CSMD1: variants seen among roughly 807,000 people sequenced by gnomAD.
CSMD1 encodes CUB and sushi domain-containing protein 1.
Under a neutral mutation model 417.5 loss-of-function variants are expected in CSMD1, and 213 were observed. The ratio of observed to expected loss-of-function variants is 0.51; its 90% CI spans 0.46 to 0.57. The LOEUF (loss-of-function observed/expected upper bound fraction) is 0.57, where lower values mean the gene tolerates loss of function less well. Ranked by LOEUF, CSMD1 falls within the 20% of genes least tolerant of loss-of-function variation. The pLI is 0.00. For synonymous variants in CSMD1, 2,862 were observed against 1,736.8 expected, an observed-to-expected ratio of 1.65 and a Z score of -16.11; for missense variants, 6,923 against 4,529.7, an observed-to-expected ratio of 1.53 and a Z score of -15.17.
chr8:4,174,477 G>A (rs1047944771), intron 3 of CSMD1, among the ~76,000 whole-genome samples: 1 of 151,490 alleles, frequency 6.6e-6, no homozygotes, highest in East Asian at 2.0e-4. Flanking sequence ...GGTTTGGAAG[G>A]TTATTAAATC....
At chr8:4,120,878 T>C (rs1337860910) in intron 3 of CSMD1, among the ~76,000 whole-genome samples, 2 of 152,190 alleles carry the variant, frequency 1.3e-5, no homozygotes, top group South Asian at 4.1e-4. Context: ...TTTTCTGTTT[T>C]ATTGTTTATA....
intron 1 of CSMD1, among the ~76,000 whole-genome samples, chr8:4,947,668 C>A (rs1427311552): frequency 6.6e-6 from 1 of 152,076 alleles, no homozygotes; most frequent in Non-Finnish European, 1.5e-5. Context: ...TTGGGTTGAT[C>A]ATTCTTGGCA....
At chr8:4,080,072 A>G (rs933152864) in intron 3 of CSMD1, among the ~76,000 whole-genome samples, 2 of 151,800 alleles carry the variant, frequency 1.3e-5, no homozygotes, top group African/African-American at 4.8e-5. Flanking sequence ...CTCATCTGAC[A>G]ACAGTCTCTG....
At chr8:4,674,767 G>C (rs149562963) in intron 1 of CSMD1, among the ~76,000 whole-genome samples, 92 of 152,290 alleles carry the variant, frequency 6.0e-4, no homozygotes, top group African/African-American at 2.0e-3. Flanking sequence ...GTATCAGCAT[G>C]CTATAGATTG....
At position 4,823,909 on chromosome 8, in the gene CSMD1, G is replaced by A. The variant is rs188826977; in HGVS notation, c.85+170423C>T. Among the ~76,000 whole-genome samples the A allele has an allele frequency of 2.6e-5, 4 of 151,954 alleles. No homozygotes were observed. The East Asian group carries it at 5.8e-4, about 22-fold the overall frequency. On this transcript the variant is annotated intron_variant, in intron 1 of 69. Transcript: ENST00000635120. ...TGAGAGAGAAATACTCTTAACAAGA[G>A]AAGAAAGAGGAAAGAGCATTCTAAC...
intron 3 of CSMD1, among the ~76,000 whole-genome samples, chr8:4,286,615 C>T (rs1284226367): frequency 6.6e-6 from 1 of 152,094 alleles, no homozygotes; most frequent in Admixed American, 6.6e-5. Context: ...TTTGGGAACA[C>T]CACTTGACCT....
chr8:4,562,545 T>G (rs547747091), intron 2 of CSMD1, among the ~76,000 whole-genome samples: 2 of 152,264 alleles, frequency 1.3e-5, no homozygotes, highest in African/African-American at 4.8e-5. Flanking sequence ...ATTAAATAAG[T>G]ATACATGAAA....
At chr8:3,666,856 T>G (rs909711883) in intron 7 of CSMD1, among the ~76,000 whole-genome samples, 2 of 152,184 alleles carry the variant, frequency 1.3e-5, no homozygotes, top group South Asian at 2.1e-4. Context: ...TACAAATTAC[T>G]CAGTCTCAGA....
chr8:4,091,876 C>T (rs758906291), intron 3 of CSMD1, among the ~76,000 whole-genome samples: 37 of 152,140 alleles, frequency 2.4e-4, no homozygotes, highest in Admixed American at 9.2e-4. Flanking sequence ...AATTAGACTC[C>T]GCATTGTAAG....
intron 26 of CSMD1, among the ~76,000 whole-genome samples, chr8:3,268,040 G>C (rs753039536): frequency 2.0e-5 from 3 of 152,066 alleles, no homozygotes; most frequent in Non-Finnish European, 4.4e-5. Flanking sequence ...GTTTTATGAG[G>C]GACGGGCCAA....
At chr8:4,260,831 T>C (rs1408420963) in intron 3 of CSMD1, among the ~76,000 whole-genome samples, 1 of 152,172 alleles carries the variant, frequency 6.6e-6, no homozygotes, top group African/African-American at 2.4e-5. Context: ...TATGACACTC[T>C]TTGTCTCCAA....
At chr8:3,524,223 A>C (rs542204819) in intron 10 of CSMD1, among the ~76,000 whole-genome samples, 1 of 151,546 alleles carries the variant, frequency 6.6e-6, no homozygotes, top group Non-Finnish European at 1.5e-5. Context: ...GACAATATGC[A>C]CACACATACA....
intron 2 of CSMD1, among the ~76,000 whole-genome samples, chr8:4,580,272 C>T (rs1221281325): frequency 3.3e-5 from 5 of 152,212 alleles, no homozygotes; most frequent in Non-Finnish European, 5.9e-5. Context: ...GTGGTCATCA[C>T]CCAGCCAGGT....
At chr8:4,114,660 C>T (rs552467916) in intron 3 of CSMD1, among the ~76,000 whole-genome samples, 7 of 152,250 alleles carry the variant, frequency 4.6e-5, no homozygotes, top group East Asian at 1.9e-4. Context: ...TTGCTAGATG[C>T]CATTAAGAAA....
At chr8:4,106,311 C>G (rs1393065861) in intron 3 of CSMD1, among the ~76,000 whole-genome samples, 2 of 152,150 alleles carry the variant, frequency 1.3e-5, no homozygotes, top group African/African-American at 4.8e-5. Flanking sequence ...GAGCTTACCT[C>G]AAATTCTAAA....
chr8:3,737,405 T>C (rs1020511415), intron 6 of CSMD1, among the ~76,000 whole-genome samples: 29 of 152,360 alleles, frequency 1.9e-4, no homozygotes, highest in African/African-American at 7.0e-4. Flanking sequence ...ATAATGCTTT[T>C]ACTGATAAAG....
chr8:3,789,086 A>G (rs971341500), intron 5 of CSMD1, among the ~76,000 whole-genome samples: 1 of 152,134 alleles, frequency 6.6e-6, no homozygotes, highest in South Asian at 2.1e-4. Context: ...AAGCACCAAC[A>G]TGGGGGGATT....
chr8:3,404,292 A>T (rs940339780), intron 15 of CSMD1, among the ~76,000 whole-genome samples: 1 of 150,592 alleles, frequency 6.6e-6, no homozygotes, highest in Non-Finnish European at 1.5e-5. Context: ...CTGAGATTGC[A>T]CCACTGCACT....
At chr8:4,281,677 G>T (rs4322029) in intron 3 of CSMD1, among the ~76,000 whole-genome samples, 6 of 152,114 alleles carry the variant, frequency 3.9e-5, no homozygotes, top group African/African-American at 1.4e-4. Context: ...AGTAACATCT[G>T]TATGTGATAA....
Sources: gnomAD v4.1 joint callset for allele counts (sites outside exome capture counted in the v4.1 genomes callset) on GRCh38, gnomAD v4.1.1 for gene constraint, MANE v1.5 for transcripts, NCBI Gene and HGNC (gene_info 2026-07-23, HGNC 2026-07-21) for gene names.